GNAI1: variants seen among roughly 807,000 people sequenced by gnomAD.
GNAI1 encodes the protein guanine nucleotide-binding protein G(i) subunit alpha-1.
In GNAI1, 11 loss-of-function variants were observed where a neutral mutation model predicts 38.9. The ratio of observed to expected loss-of-function variants is 0.28; its 90% CI spans 0.18 to 0.47. GNAI1 has a LOEUF of 0.47. GNAI1 is among the 20% of genes least tolerant of loss of function. The pLI, the probability that GNAI1 is intolerant of heterozygous loss-of-function variation, is 0.99. For synonymous variants in GNAI1, 166 were observed against 145.1 expected (o/e 1.14, Z -1.04); for missense variants, 317 against 436.9 (o/e 0.73, Z 2.45).
At position 80,218,987 on chromosome 7, in the gene GNAI1, T is replaced by A. The variant is rs2115732507; in HGVS notation, c.*1494T>A. On this transcript the variant is annotated 3_prime_UTR_variant, in exon 8 of 8. Transcript: ENST00000649796. ...TCTTTCAGTACACGTTGCTGGTAAG[T>A]AGTTTCCAAGTTACGTGTTGTCACT... 1 of 152,270 alleles carries A rather than the reference T, an allele frequency of 6.6e-6. No homozygotes were observed. The highest frequency in any genetic ancestry group is 2.4e-5 in the African/African-American group (1 of 41,422). The allele number at this position is 152,270 out of a possible 1,614,324, so 9.4% of individuals were successfully genotyped here. A position where few individuals can be genotyped will look rare whatever the true frequency, so the allele number is the denominator to read the frequency against.
rs557159559 is a variant in GNAI1, at chr7:80,225,152, T to C, written c.*7659T>C. On this transcript the variant is annotated 3_prime_UTR_variant, in exon 8 of 8. Transcript: ENST00000649796. ...GGTGGGCCTCAGTAAAGACTTGGAC[T>C]ATTCCAGTTTTAAATGCTATCGTTT... 2.0e-5 allele frequency among the ~76,000 whole-genome samples: 3 copies of C among 152,352 alleles called. No homozygotes were observed. The South Asian group carries it at 6.2e-4, about 32-fold the overall frequency.
chr7:80,173,338 G>A (rs775666955), intron 1 of GNAI1, among the ~76,000 whole-genome samples: 2 of 152,094 alleles, frequency 1.3e-5, no homozygotes, highest in Non-Finnish European at 2.9e-5. Context: ...TAGGATTAGA[G>A]TAATTAATTT....
intron 3 of GNAI1, among the ~76,000 whole-genome samples, chr7:80,189,583 G>T (rs1005870321): frequency 1.3e-5 from 2 of 152,024 alleles, no homozygotes; most frequent in Admixed American, 1.3e-4. Context: ...ATCTGTTTCT[G>T]CAATTTGGAA....
Position 80,225,131 on chromosome 7 carries a change from G to A in GNAI1, c.*7638G>A, listed in dbSNP as rs1480824558. 6.6e-6 allele frequency among the ~76,000 whole-genome samples: 1 copy of A among 152,058 alleles called. No individual in the cohort carries two copies. Among genetic ancestry groups the A allele is most frequent in the Non-Finnish European group, 1.5e-5 (1 of 68,000 alleles). On this transcript the variant is annotated 3_prime_UTR_variant, in exon 8 of 8. Coordinates refer to ENST00000649796, the MANE Select transcript of GNAI1 (RefSeq NM_002069.6). ...TCAGTGACTTTCTTGGGAAATGGTG[G>A]GCCTCAGTAAAGACTTGGACTATTC...
At chr7:80,162,589 T>G (rs565582675) in intron 1 of GNAI1, among the ~76,000 whole-genome samples, 1 of 152,310 alleles carries the variant, frequency 6.6e-6, no homozygotes, top group South Asian at 2.1e-4. Context: ...CTTTATATTT[T>G]CGAAGAGAAA....
chr7:80,185,471 A>G (rs1013563996), intron 1 of GNAI1, among the ~76,000 whole-genome samples: 1 of 152,162 alleles, frequency 6.6e-6, no homozygotes, highest in Non-Finnish European at 1.5e-5. Flanking sequence ...AATCAGCCTA[A>G]GAATAGTTTC....
At chr7:80,144,324 A>G (rs1787580349) in intron 1 of GNAI1, among the ~76,000 whole-genome samples, 2 of 152,018 alleles carry the variant, frequency 1.3e-5, no homozygotes, top group Admixed American at 6.6e-5. Context: ...GAGTTTGACA[A>G]CTTTCCACAA....
At chr7:80,188,395 T>G (rs1788424356) in intron 1 of GNAI1, among the ~76,000 whole-genome samples, 3 of 152,288 alleles carry the variant, frequency 2.0e-5, no homozygotes, top group South Asian at 4.1e-4. Context: ...TTTAATGCTT[T>G]GGAGAATACA....
intron 1 of GNAI1, among the ~76,000 whole-genome samples, chr7:80,152,527 A>G (rs902891411): frequency 6.8e-6 from 1 of 147,326 alleles, no homozygotes; most frequent in African/African-American, 2.5e-5. Context: ...CAACTTAAGG[A>G]TCTAATCTGG....
intron 5 of GNAI1, among the ~76,000 whole-genome samples, chr7:80,204,177 AAG>A (rs746044700): frequency 1.1e-3 from 170 of 152,218 alleles, no homozygotes; most frequent in Admixed American, 4.1e-3. Flanking sequence ...TTTAGGTAAT[AAG>A]AGAGCAAGTT....
chr7:80,174,253 C>T lies in GNAI1; in HGVS notation c.119-14698C>T, dbSNP rs573147029. Among the ~76,000 whole-genome samples the T allele has an allele frequency of 3.9e-5, 6 of 152,210 alleles. No homozygotes were observed. In the South Asian group the frequency reaches 1.2e-3, roughly 32 times the overall value. ...GAAACATTCAAGAAGTAAAAACACA[C>T]TACTCCAGTATAAACACTTTTTTCA... On this transcript the variant is annotated intron_variant, in intron 1 of 7. Coordinates refer to ENST00000649796, the MANE Select transcript of GNAI1 (RefSeq NM_002069.6).
At chr7:80,164,516 C>T (rs1562828928) in intron 1 of GNAI1, among the ~76,000 whole-genome samples, 1 of 152,026 alleles carries the variant, frequency 6.6e-6, no homozygotes, top group Non-Finnish European at 1.5e-5. Flanking sequence ...CGCCCACCAC[C>T]ACACCCGGCT....
intron 1 of GNAI1, among the ~76,000 whole-genome samples, chr7:80,140,957 A>G (rs1787515748): frequency 1.3e-5 from 2 of 152,074 alleles, no homozygotes. Context: ...TGCCTTCTCC[A>G]TCTCAAAGCC....
chr7:80,154,515 T>C (rs1787785555), intron 1 of GNAI1, among the ~76,000 whole-genome samples: 1 of 152,280 alleles, frequency 6.6e-6, no homozygotes, highest in African/African-American at 2.4e-5. Context: ...TTGAACACTG[T>C]GTATACATTA....
intron 1 of GNAI1, among the ~76,000 whole-genome samples, chr7:80,137,293 C>CTTTTTTTTTTTTTTTTTCTTTTTT (rs377362596): frequency 2.1e-5 from 2 of 95,260 alleles, no homozygotes; most frequent in African/African-American, 4.1e-5. Context: ...TTTCTTTTTT[C>CTTTTTTTTTTTTTTTTTCTTTTTT]TTTTTTTTTT....
chr7:80,199,282 G>A lies in GNAI1; in HGVS notation c.361G>A (p.Ala121Thr), dbSNP rs1170003605. The change falls in exon 4 of 8, where the codon GCA becomes ACA. Residue 121 changes from alanine (A) to threonine (T), a missense_variant. Physicochemically the swap from Ala to Thr is moderately conservative, Grantham distance 58. Coordinates refer to ENST00000649796, the MANE Select transcript of GNAI1 (RefSeq NM_002069.6). ...AGAAEEGFMT[A>T]ELAGVIKRLW... Reference sequence around the variant, plus strand: ...AGCTGCTGAAGAAGGCTTTATGACTGCAGAACTTGCTGGAGTTATAAAGAG... The same window carrying A: ...AGCTGCTGAAGAAGGCTTTATGACTACAGAACTTGCTGGAGTTATAAAGAG... 8 of 1,612,944 alleles carry A rather than the reference G, an allele frequency of 5.0e-6. No homozygotes were observed. The highest frequency in any genetic ancestry group is 1.3e-5 in the African/African-American group (1 of 74,984).
At chr7:80,167,051 A>G (rs1429980727) in intron 1 of GNAI1, among the ~76,000 whole-genome samples, 1 of 152,178 alleles carries the variant, frequency 6.6e-6, no homozygotes, top group African/African-American at 2.4e-5. Flanking sequence ...ATGGATTGCC[A>G]TTTCCTGGTA....
intron 5 of GNAI1, among the ~76,000 whole-genome samples, chr7:80,208,845 T>C (rs1788824205): frequency 6.6e-6 from 1 of 152,160 alleles, no homozygotes. Context: ...CACCCAGCGC[T>C]GGAACACACA....
Position 80,223,897 on chromosome 7 carries a change from G to A in GNAI1, c.*6404G>A, listed in dbSNP as rs180755237. On this transcript the variant is annotated 3_prime_UTR_variant, in exon 8 of 8. Coordinates refer to ENST00000649796, the MANE Select transcript of GNAI1 (RefSeq NM_002069.6). ...AACTATGAATCTTCTTCTTCGAAAG[G>A]AATCTTGTCTAAATCTAATAAAGCA... Among the ~76,000 whole-genome samples the A allele has an allele frequency of 3.9e-4, 60 of 152,158 alleles. No homozygotes were observed. Among genetic ancestry groups the A allele is most frequent in the African/African-American group, 1.2e-3 (50 of 41,530 alleles).
Sources: allele counts gnomAD v4.1 joint callset (sites outside exome capture counted in the v4.1 genomes callset), GRCh38; gene constraint gnomAD v4.1.1; transcripts MANE v1.5; gene names NCBI Gene and HGNC (gene_info 2026-07-23, HGNC 2026-07-21).